Variants in PXDN observed in about 807,000 individuals in gnomAD.
The protein encoded by PXDN is peroxidasin.
Under a neutral mutation model 140.3 loss-of-function variants are expected in PXDN, and 77 were observed. The observed-to-expected ratio is 0.55, with a 90% CI of 0.46 to 0.66. The LOEUF is 0.66. Among genes scored for constraint, PXDN ranks in the 30% least tolerant of loss-of-function variants. The pLI is 0.00. For missense variants in PXDN, 1,838 were observed against 2,039.5 expected (o/e 0.90, Z 1.90); for synonymous variants, 911 against 857.4 (o/e 1.06, Z -1.09).
intron 15 of PXDN, 184 bp from the exon 16 acceptor site, chr2:1,653,969 A>C: frequency 1.5e-6 from 1 of 669,836 alleles, no homozygotes; most frequent in Non-Finnish European, 2.4e-6. Context: ...AACAGACAAA[A>C]ACCGGAAGAC....
chr2:1,726,915 ATTGC>A (rs1268244597), intron 1 of PXDN, among the ~76,000 whole-genome samples: 1 of 152,172 alleles, frequency 6.6e-6, no homozygotes, highest in East Asian at 1.9e-4. Flanking sequence ...GAAATCGAGA[ATTGC>A]TTTTTAAAAA....
chr2:1,740,887 G>A (rs951478716), intron 1 of PXDN, among the ~76,000 whole-genome samples: 9 of 152,162 alleles, frequency 5.9e-5, no homozygotes, highest in Non-Finnish European at 8.8e-5. Flanking sequence ...GCTGCCATGC[G>A]CCTGCCTGTG....
intron 1 of PXDN, among the ~76,000 whole-genome samples, chr2:1,743,271 G>A (rs1685589994): frequency 6.6e-6 from 1 of 152,230 alleles, no homozygotes; most frequent in South Asian, 2.1e-4. Flanking sequence ...CCGGTTAAAC[G>A]TATAGCGCAA....
chr2:1,713,248 T>A (rs933667982), intron 1 of PXDN, among the ~76,000 whole-genome samples: 2 of 152,182 alleles, frequency 1.3e-5, no homozygotes, highest in Admixed American at 6.5e-5. Context: ...GAGCGAGATC[T>A]AAAGCAACTC....
chr2:1,655,992 TATAG>T (rs1223232871), intron 14 of PXDN, among the ~76,000 whole-genome samples: 2 of 151,414 alleles, frequency 1.3e-5, no homozygotes, highest in African/African-American at 4.9e-5. Flanking sequence ...CCATCAAACA[TATAG>T]ATACACACGA....
At chr2:1,736,293 G>C (rs866537853) in intron 1 of PXDN, among the ~76,000 whole-genome samples, 1 of 152,114 alleles carries the variant, frequency 6.6e-6, no homozygotes, top group African/African-American at 2.4e-5. Flanking sequence ...TTTAAAGTAA[G>C]GGACATGCAA....
At chr2:1,671,027 G>T (rs972572292) in intron 9 of PXDN, among the ~76,000 whole-genome samples, 1 of 152,108 alleles carries the variant, frequency 6.6e-6, no homozygotes, top group African/African-American at 2.4e-5. Flanking sequence ...AAGGAAGTGG[G>T]AACCACATGG....
intron 7 of PXDN, among the ~76,000 whole-genome samples, chr2:1,678,402 C>T (rs1406871674): frequency 6.6e-6 from 1 of 152,208 alleles, no homozygotes; most frequent in Non-Finnish European, 1.5e-5. Context: ...CCCTAAAACC[C>T]ACCTAACTGT....
At chr2:1,657,809 C>T (rs1683182333) in intron 14 of PXDN, among the ~76,000 whole-genome samples, 1 of 143,500 alleles carries the variant, frequency 7.0e-6, no homozygotes, top group East Asian at 2.0e-4. Context: ...GGAACCTGTC[C>T]CCACCTGACA....
In PXDN at chr2:1,649,170, C is replaced by T; in HGVS notation, c.2610G>A (p.Arg870=). The T allele has an allele frequency of 6.2e-7, 1 of 1,612,248 alleles. No individual in the cohort carries two copies. Among genetic ancestry groups the T allele is most frequent in the Non-Finnish European group, 8.5e-7 (1 of 1,179,650 alleles). Residue 870 remains arginine, a synonymous_variant, in exon 17 of 23, where the codon AGG becomes AGA. Coordinates refer to ENST00000252804, the MANE Select transcript of PXDN (RefSeq NM_012293.3). The surrounding 1 kb of genome is among the most constrained non-coding windows in gnomAD (Gnocchi z 7.1). ...VMIPPNDSRA[R]SGARCMFFVR... ...CGAAGAACATGCAGCGGGCCCCGCT[C>T]CTGGCCCGGGAGTCATTGGGGGGGA...
chr2:1,699,829 G>A (rs1684380846), intron 1 of PXDN, among the ~76,000 whole-genome samples: 1 of 152,196 alleles, frequency 6.6e-6, no homozygotes, highest in African/African-American at 2.4e-5. Context: ...ATTATGGAAT[G>A]AAAATTTCAG....
At position 1,632,208 on chromosome 2, in the gene PXDN, C is replaced by T. The variant is rs1010211155; in HGVS notation, c.*1996G>A. The T allele has an allele frequency of 9.9e-5, 15 of 152,154 alleles. No individual in the cohort carries two copies. The highest frequency in any genetic ancestry group is 3.4e-4 in the African/African-American group (14 of 41,428). The allele number at this position is 152,154 out of a possible 1,614,324, so 9.4% of individuals were successfully genotyped here. A position where few individuals can be genotyped will look rare whatever the true frequency, so the allele number is the denominator to read the frequency against. On this transcript the variant is annotated 3_prime_UTR_variant, in exon 23 of 23. Transcript: ENST00000252804. This position sits in a 1 kb window ranked among gnomAD's most constrained non-coding sequence, Gnocchi z 4.3. ...GCTTCCCCCTTTGGCTTAGACAACA[C>T]AATTCCTTGTGACTGGCCCAGACCG... is the stretch of plus-strand genomic sequence containing the variant.
At chr2:1,688,606 C>T (rs950333927) in intron 3 of PXDN, among the ~76,000 whole-genome samples, 1 of 152,184 alleles carries the variant, frequency 6.6e-6, no homozygotes, top group Non-Finnish European at 1.5e-5. Context: ...CTTGGGGGAC[C>T]CCAAGAAGGC....
intron 1 of PXDN, among the ~76,000 whole-genome samples, chr2:1,722,110 G>A (rs1364203427): frequency 6.6e-6 from 1 of 152,228 alleles, no homozygotes; most frequent in Non-Finnish European, 1.5e-5. Context: ...ATGAACCCGA[G>A]AGGTGTTGAC....
chr2:1,672,494 G>A (rs938013925), intron 9 of PXDN, among the ~76,000 whole-genome samples: 15 of 152,100 alleles, frequency 9.9e-5, no homozygotes, highest in Admixed American at 4.6e-4. Context: ...TATGAGCAGC[G>A]GCTGTGTCTT....
In PXDN at chr2:1,666,448, C is replaced by T. The variant is rs770108141; in HGVS notation, c.1057G>A (p.Val353Met). 6.2e-7 allele frequency: 1 copy of T among 1,603,452 alleles called. No homozygotes were observed. The highest frequency in any genetic ancestry group is 2.2e-5 in the East Asian group (1 of 44,594). Residue 353 changes from valine (V) to methionine (M), a missense_variant, in exon 10 of 23, where the codon GTG (valine) becomes ATG (methionine). This residue lies in a region of PXDN where 208 missense variants were observed against 325.8 expected (regional missense o/e 0.64). Transcript: ENST00000252804. ...TFVIQPQNTE[V>M]LVGESVTLEC... ...AGCGTGACGCTCTCCCCAACCAGCACCTCTGTATTCTGTGGCTGGATTACA... is the reference window on the plus strand; with the variant it reads ...AGCGTGACGCTCTCCCCAACCAGCATCTCTGTATTCTGTGGCTGGATTACA...
At position 1,648,592 on chromosome 2, in the gene PXDN, T is replaced by G. The variant is rs770139417; in HGVS notation, c.3188A>C (p.Asn1063Thr). ...CCTGAAGGCCGCGGTGGCGAAGGCG[T>G]TGAAGATGCCAGCATTGATGCCGGG... ...YDPGINAGIFNAFATAAFRFG... is the reference protein window; with the variant it reads ...YDPGINAGIFTAFATAAFRFG... Residue 1063 changes from asparagine (N) to threonine (T), a missense_variant, in exon 17 of 23, where the codon AAC (asparagine) becomes ACC (threonine). Around this residue, in one of 5 missense-constraint regions of PXDN, gnomAD observed 850 missense variants for 894.1 expected, o/e 0.95. Transcript: ENST00000252804. This position sits in a 1 kb window ranked among gnomAD's most constrained non-coding sequence, Gnocchi z 8.9. The G allele has an allele frequency of 1.9e-6, 3 of 1,609,034 alleles. No homozygotes were observed. In the South Asian group the frequency reaches 3.3e-5, roughly 18 times the overall value.
chr2:1,667,075 T>C (rs1398292597), intron 9 of PXDN, among the ~76,000 whole-genome samples: 1 of 151,996 alleles, frequency 6.6e-6, no homozygotes, highest in Non-Finnish European at 1.5e-5. Context: ...TGGCCGTGCA[T>C]ACTGACACTG....
chr2:1,719,876 A>T (rs62116643), intron 1 of PXDN, among the ~76,000 whole-genome samples: 1 of 78,616 alleles, frequency 1.3e-5, no homozygotes, highest in Non-Finnish European at 2.5e-5. Flanking sequence ...GTGTGTGTGA[A>T]AGAGAGAGAG....
Sources: gnomAD v4.1 joint callset for allele counts (sites outside exome capture counted in the v4.1 genomes callset) on GRCh38, gnomAD v4.1.1 for gene constraint, gnomAD v4.1.1 regional missense constraint, Gnocchi (gnomAD v3.1) non-coding constraint, MANE v1.5 for transcripts, NCBI Gene and HGNC (gene_info 2026-07-23, HGNC 2026-07-21) for gene names.